The following TEX2 variants were observed in gnomAD, a reference collection of about 807,000 sequenced individuals.
TEX2 encodes testis expressed 2.
A neutral mutation model predicts 106.9 loss-of-function variants in TEX2; 53 were observed. The observed-to-expected ratio is 0.50, with a 90% confidence interval of 0.40 to 0.62. The LOEUF (loss-of-function observed/expected upper bound fraction) is 0.62. Among genes scored for constraint, TEX2 ranks in the 20% least tolerant of loss-of-function variants. The pLI is 0.00. For synonymous variants in TEX2, 523 were observed against 534.8 expected, an observed-to-expected ratio of 0.98 and a Z score of 0.30; for missense variants, 1,207 against 1,379.0, an observed-to-expected ratio of 0.88 and a Z score of 1.98.
chr17:64,221,585 A>C (rs782289219), intron 1 of TEX2, among the ~76,000 whole-genome samples: 1 of 152,208 alleles, frequency 6.6e-6, no homozygotes, highest in African/African-American at 2.4e-5. Flanking sequence ...GTTTTTGTGC[A>C]CTATTGGCAA....
rs1555632025 is a variant in TEX2 at position 64,213,381 on chromosome 17, T to C, written c.837A>G (p.Lys279=). 1.9e-6 allele frequency: 3 copies of C among 1,614,040 alleles called. No homozygotes were observed. The highest frequency in any genetic ancestry group is 2.5e-6 in the Non-Finnish European group (3 of 1,180,032). Residue 279 remains lysine, a synonymous_variant, in exon 2 of 12, where the codon AAA becomes AAG. Coordinates refer to ENST00000584379, the MANE Select transcript of TEX2 (RefSeq NM_001288732.2). The surrounding 1 kb of genome is among the most constrained non-coding windows in gnomAD (Gnocchi z 4.4). ...TSPSDTRSFF[K]VPEMEAKIED... ...CAATTTTAGCCTCCATTTCGGGCAC[T>C]TTAAAAAAGGAACGAGTATCAGAGG...
At chr17:64,214,747 G>T (rs1162943310) in intron 1 of TEX2, among the ~76,000 whole-genome samples, 1 of 152,128 alleles carries the variant, frequency 6.6e-6, no homozygotes, top group Non-Finnish European at 1.5e-5. Flanking sequence ...CAATTATTTG[G>T]CCTGCATCTC....
Position 64,184,544 on chromosome 17 carries a change from G to A in TEX2, c.2424+3624C>T, listed in dbSNP as rs1317610189. On this transcript the variant is annotated intron_variant, in intron 5 of 11. Coordinates refer to ENST00000584379, the MANE Select transcript of TEX2 (RefSeq NM_001288732.2). The stretch of plus-strand genomic sequence containing the variant: ...CGTAAACATTTTCTCCCATCCTGTG[G>A]GTTATCTTTTCACTGTCTTGATGGT... Among the ~76,000 whole-genome samples, 3 of 152,204 alleles carry A rather than the reference G, an allele frequency of 2.0e-5. No individual in the cohort carries two copies. The East Asian group carries it at 5.8e-4, about 29-fold the overall frequency.
intron 10 of TEX2, among the ~76,000 whole-genome samples, 184 bp from the exon 11 acceptor site, chr17:64,151,145 G>C (rs1393609924): frequency 6.6e-6 from 1 of 152,134 alleles, no homozygotes; most frequent in East Asian, 1.9e-4. Flanking sequence ...GTGTTCCCTG[G>C]ATGGTGTTAG....
intron 1 of TEX2, chr17:64,239,378 T>C (rs1314527871): frequency 6.6e-6 from 1 of 152,230 alleles, no homozygotes; most frequent in African/African-American, 2.4e-5. Context: ...TACCTAGACA[T>C]ATAATCATAC....
chr17:64,256,642 C>T (rs1292010926), intron 1 of TEX2, among the ~76,000 whole-genome samples: 9 of 152,134 alleles, frequency 5.9e-5, no homozygotes, highest in Non-Finnish European at 1.0e-4. Flanking sequence ...ATATATGATG[C>T]ATATGTCTAT....
Position 64,213,442 on chromosome 17 carries a change from T to C in TEX2, c.776A>G (p.Asp259Gly), listed in dbSNP as rs1411618476. Reference sequence around the variant, plus strand: ...TGGGGAAGAAGGTGCAGTTTTGGAATCTCCACCTGTGTTTCGGGGCTGTGT... The same window carrying C: ...TGGGGAAGAAGGTGCAGTTTTGGAACCTCCACCTGTGTTTCGGGGCTGTGT... ...QFTQPRNTGG[D>G]SKTAPSSPLT... The change falls in exon 2 of 12, where the codon GAT becomes GGT. Residue 259 changes from aspartate (D) to glycine (G), a missense_variant. Physicochemically the swap from Asp to Gly is moderately conservative, Grantham distance 94. Around this residue, in one of 3 missense-constraint regions of TEX2, gnomAD observed 1,067 missense variants for 1,193.6 expected, o/e 0.89. Coordinates refer to ENST00000584379, the MANE Select transcript of TEX2 (RefSeq NM_001288732.2). This position sits in a 1 kb window ranked among gnomAD's most constrained non-coding sequence, Gnocchi z 4.4. The C allele has an allele frequency of 1.2e-6, 2 of 1,614,124 alleles. No homozygotes were observed. The highest frequency in any genetic ancestry group is 1.7e-6 in the Non-Finnish European group (2 of 1,180,030).
chr17:64,174,588 C>T (rs2031546968), intron 6 of TEX2, among the ~76,000 whole-genome samples: 1 of 152,182 alleles, frequency 6.6e-6, no homozygotes. Flanking sequence ...TCTTCCCACC[C>T]AAAGGGTACC....
intron 1 of TEX2, among the ~76,000 whole-genome samples, chr17:64,246,908 G>T (rs2033998659): frequency 6.6e-6 from 1 of 152,188 alleles, no homozygotes; most frequent in South Asian, 2.1e-4. Flanking sequence ...TCTTGCTGCA[G>T]ATAAGAATCA....
rs1015678047 is a variant in TEX2, at chr17:64,153,088, A to G, written c.2997T>C (p.Tyr999=). ...ACTCTGTCTCTGTTGCTTTTTGGAA[A>G]TATTTTGACTTGGTAATTTTATCAA... is the stretch of plus-strand genomic sequence containing the variant. ...RFVDKITKSK[Y]FQKATETEFI... is the part of the protein sequence containing the mutation. The change falls in exon 10 of 12, where the codon TAT becomes TAC. Residue 999 remains tyrosine, a synonymous_variant. Coordinates refer to ENST00000584379, the MANE Select transcript of TEX2 (RefSeq NM_001288732.2). This position sits in a 1 kb window ranked among gnomAD's most constrained non-coding sequence, Gnocchi z 4.1. The G allele has an allele frequency of 1.2e-6, 2 of 1,614,108 alleles. No individual in the cohort carries two copies. The highest frequency in any genetic ancestry group is 1.7e-6 in the Non-Finnish European group (2 of 1,179,984).
chr17:64,238,790 G>T (rs1439742547), intron 1 of TEX2, among the ~76,000 whole-genome samples: 1 of 152,112 alleles, frequency 6.6e-6, no homozygotes, highest in Non-Finnish European at 1.5e-5. Context: ...GATATGGGTG[G>T]GGACACAGCC....
chr17:64,238,443 T>C (rs1045397327), intron 1 of TEX2, among the ~76,000 whole-genome samples: 22 of 152,258 alleles, frequency 1.4e-4, no homozygotes, highest in Admixed American at 9.8e-4. Context: ...CATTCTAATT[T>C]AAACCAATGT....
At chr17:64,256,104 T>C (rs1329128239) in intron 1 of TEX2, 1 of 152,238 alleles carries the variant, frequency 6.6e-6, no homozygotes, top group Non-Finnish European at 1.5e-5. Flanking sequence ...AATGCCTCCA[T>C]GGATACACCT....
intron 4 of TEX2, 95 bp downstream of exon 4, chr17:64,193,464 C>CCTTCG: frequency 2.0e-6 from 1 of 505,482 alleles, no homozygotes; most frequent in Non-Finnish European, 2.8e-6. Context: ...TCAGGGTGGG[C>CCTTCG]TTCCTTCCTT....
At chr17:64,242,652 G>A (rs546559254) in intron 1 of TEX2, among the ~76,000 whole-genome samples, 4 of 152,232 alleles carry the variant, frequency 2.6e-5, no homozygotes, top group Non-Finnish European at 5.9e-5. Flanking sequence ...CCCAGCCTGT[G>A]AGAAAGTACA....
At chr17:64,208,530 C>T (rs1260900932) in intron 2 of TEX2, among the ~76,000 whole-genome samples, 1 of 152,022 alleles carries the variant, frequency 6.6e-6, no homozygotes, top group Non-Finnish European at 1.5e-5. Context: ...TGAGCCACCA[C>T]GCCCAACCAA....
At chr17:64,193,134 A>G (rs2032354378) in intron 4 of TEX2, among the ~76,000 whole-genome samples, 1 of 152,220 alleles carries the variant, frequency 6.6e-6, no homozygotes, top group South Asian at 2.1e-4. Context: ...TCTGACCTGA[A>G]TGGTCAGGAA....
At chr17:64,203,271 G>A (rs2032727034) in intron 2 of TEX2, among the ~76,000 whole-genome samples, 1 of 152,194 alleles carries the variant, frequency 6.6e-6, no homozygotes, top group Non-Finnish European at 1.5e-5. Flanking sequence ...TCACCCTGCT[G>A]ACATGTGGCT....
At position 64,154,303 on chromosome 17, in the gene TEX2, G is replaced by GTCAT. The variant is rs1212624090; in HGVS notation, c.2930+538_2930+539insATGA. On this transcript the variant is annotated intron_variant, in intron 9 of 11. Transcript: ENST00000584379. ...CACTTTATGTAATTAAAAGATCATT[G>GTCAT]TGGATAGGCTATTTAAGCACTTTGA... Among the ~76,000 whole-genome samples the GTCAT allele has an allele frequency of 2.6e-5, 4 of 152,266 alleles. No homozygotes were observed. In the East Asian group the frequency reaches 7.7e-4, roughly 29 times the overall value.
Sources: allele counts gnomAD v4.1 joint callset (sites outside exome capture counted in the v4.1 genomes callset), GRCh38; gene constraint gnomAD v4.1.1; regional missense constraint gnomAD v4.1.1; non-coding constraint Gnocchi (gnomAD v3.1); transcripts MANE v1.5; gene names NCBI Gene and HGNC (gene_info 2026-07-23, HGNC 2026-07-21).